SAMM50: variants seen among roughly 807,000 people sequenced by gnomAD.
SAMM50 encodes SAMM50 sorting and assembly machinery component, also known as sorting and assembly machinery component 50 homolog.
SAMM50 carries 47 observed loss-of-function variants against 66.9 expected under a neutral mutation model. The observed-to-expected ratio is 0.70, with a 90% CI of 0.56 to 0.90. SAMM50 has a LOEUF of 0.90. Ranked by LOEUF, SAMM50 falls within the 40% of genes least tolerant of loss-of-function variation. The probability of loss-of-function intolerance (pLI) is 0.00; values close to 1 mark genes in which losing one functional copy is unlikely to be tolerated. For missense variants in SAMM50, 535 were observed against 595.3 expected (o/e 0.90, Z 1.05); for synonymous variants, 191 against 214.1 (o/e 0.89, Z 0.94).
chr22:43,955,790 A>G (rs976336930), intron 1 of SAMM50, among the ~76,000 whole-genome samples, 192 bp downstream of exon 1: 1 of 152,202 alleles, frequency 6.6e-6, no homozygotes, highest in African/African-American at 2.4e-5. Flanking sequence ...TCGAGCAGGA[A>G]CCTGATAGGA....
rs531154193 is a variant in SAMM50, at chr22:43,974,034, T to C, written c.648+711T>C. Among the ~76,000 whole-genome samples, 15 of 152,242 alleles carry C rather than the reference T, an allele frequency of 9.9e-5. No homozygotes were observed. In the East Asian group the frequency reaches 2.7e-3, roughly 27 times the overall value. On this transcript the variant is annotated intron_variant, in intron 7 of 14. Coordinates refer to ENST00000350028, the MANE Select transcript of SAMM50 (RefSeq NM_015380.5). Reference sequence around the variant, plus strand: ...CTTTATGATAACCTGCTTTTTTTTTTTCTCCTTCCTTTCGCCACTGTTCCT... The same window carrying C: ...CTTTATGATAACCTGCTTTTTTTTTCTCTCCTTCCTTTCGCCACTGTTCCT...
chr22:43,996,224 C>A, intron 14 of SAMM50, 114 bp from the exon 15 acceptor site: 1 of 1,133,228 alleles, frequency 8.8e-7, no homozygotes, highest in Non-Finnish European at 1.3e-6. Context: ...AGGAAGGCAG[C>A]AGGAGGAGGA....
At chr22:43,996,290 C>G (rs778673586) in intron 14 of SAMM50, 48 bp from the exon 15 acceptor site, 1 of 1,603,156 alleles carries the variant, frequency 6.2e-7, no homozygotes, top group East Asian at 2.2e-5. Flanking sequence ...GTGAAGATGG[C>G]AGGGCTGGCG....
intron 1 of SAMM50, 102 bp downstream of exon 1, chr22:43,955,700 G>A: frequency 7.6e-7 from 1 of 1,315,454 alleles, no homozygotes; most frequent in Non-Finnish European, 1.0e-6. Context: ...GGTTCACCGG[G>A]AGAGAGGGTG....
In SAMM50 at chr22:43,996,363, G is replaced by T; in HGVS notation, c.1390G>T (p.Ala464Ser). 1 of 1,614,210 alleles carries T rather than the reference G, an allele frequency of 6.2e-7. No individual in the cohort carries two copies. The highest frequency in any genetic ancestry group is 8.5e-7 in the Non-Finnish European group (1 of 1,180,044). ...GATATGTGATGGCGTCCAGTTTGGA[G>T]CTGGGATAAGGTTCCTGTAGCCGAC... ...DRICDGVQFG[A>S]GIRFL The change falls in exon 15 of 15, where the codon GCT becomes TCT. Residue 464 changes from alanine (A) to serine (S), a missense_variant. Physicochemically the swap from Ala to Ser is moderately conservative, Grantham distance 99. Coordinates refer to ENST00000350028, the MANE Select transcript of SAMM50 (RefSeq NM_015380.5).
intron 3 of SAMM50, among the ~76,000 whole-genome samples, chr22:43,964,829 C>T (rs1275694333): frequency 1.3e-5 from 2 of 152,160 alleles, no homozygotes; most frequent in African/African-American, 2.4e-5. Flanking sequence ...CTCCCAGCGC[C>T]GTAATGCGAG....
chr22:43,968,735 T>G lies in SAMM50; in HGVS notation c.239T>G (p.Met80Arg). 6.2e-7 allele frequency: 1 copy of G among 1,608,886 alleles called. No individual in the cohort carries two copies. Among genetic ancestry groups the G allele is most frequent in the Non-Finnish European group, 8.5e-7 (1 of 1,175,310 alleles). ...TTTTCTTCCCCCATTTTATAGGTAA[T>G]GCGGAAATCTCATGAAGCCCGTGAA... is the stretch of plus-strand genomic sequence containing the variant. ...VFKAKNLIEV[M>R]RKSHEAREKL... The change falls in exon 4 of 15, where the codon ATG becomes AGG. Residue 80 changes from methionine (M) to arginine (R), a missense_variant. Physicochemically the swap from Met to Arg is moderately conservative, Grantham distance 91. Transcript: ENST00000350028.
At chr22:43,981,580 C>T in intron 11 of SAMM50, 119 bp downstream of exon 11, 1 of 663,304 alleles carries the variant, frequency 1.5e-6, no homozygotes, top group Non-Finnish European at 2.6e-6. Flanking sequence ...TCAAATATTC[C>T]TTTAGTATTT....
intron 4 of SAMM50, 134 bp downstream of exon 4, chr22:43,968,952 G>C: frequency 1.6e-6 from 1 of 626,480 alleles, no homozygotes; most frequent in Non-Finnish European, 2.9e-6. Flanking sequence ...TGATCAAACA[G>C]GTAGTCCTTG....
intron 12 of SAMM50, among the ~76,000 whole-genome samples, chr22:43,984,711 C>G (rs1603419996): frequency 6.6e-6 from 1 of 151,930 alleles, no homozygotes; most frequent in African/African-American, 2.4e-5. Context: ...TCACTGCAAC[C>G]TCCGCCTCCC....
intron 3 of SAMM50, among the ~76,000 whole-genome samples, chr22:43,966,206 A>G (rs563254587): frequency 6.6e-6 from 1 of 152,126 alleles, no homozygotes; most frequent in South Asian, 2.1e-4. Flanking sequence ...CTTACAAACA[A>G]TGCTGTACTA....
intron 1 of SAMM50, among the ~76,000 whole-genome samples, chr22:43,959,471 A>C (rs895626809): frequency 6.6e-6 from 1 of 150,952 alleles, no homozygotes; most frequent in African/African-American, 2.4e-5. Context: ...TAAAGGTTAA[A>C]GGCTACATCC....
intron 2 of SAMM50, 141 bp downstream of exon 2, chr22:43,963,537 C>A: frequency 2.1e-6 from 1 of 471,300 alleles, no homozygotes; most frequent in Non-Finnish European, 3.8e-6. Context: ...ACTAGAAAAA[C>A]TGATGACTCT....
In SAMM50 at chr22:43,981,404, C is replaced by T; in HGVS notation, c.950C>T (p.Ser317Phe). The T allele has an allele frequency of 1.2e-6, 2 of 1,613,760 alleles. No individual in the cohort carries two copies. Among genetic ancestry groups the T allele is most frequent in the Non-Finnish European group, 1.7e-6 (2 of 1,179,730 alleles). Reference protein sequence around the residue: ...QLIFDSVFSASFWGGMLVPIG... With the variant: ...QLIFDSVFSAFFWGGMLVPIG... The stretch of plus-strand genomic sequence containing the variant: ...CTATTTGAACAGGTTTTTTCAGCGT[C>T]TTTCTGGGGCGGAATGTTGGTACCC... Residue 317 changes from serine (S) to phenylalanine (F), a missense_variant, in exon 11 of 15, where the codon TCT (serine) becomes TTT (phenylalanine). Transcript: ENST00000350028.
rs187271466 is a variant in SAMM50 at position 43,979,588 on chromosome 22, C to A, written c.936+1630C>A. Among the ~76,000 whole-genome samples, 26 of 152,000 alleles carry A rather than the reference C, an allele frequency of 1.7e-4. No individual in the cohort carries two copies. The East Asian group carries it at 4.7e-3, about 27-fold the overall frequency. On this transcript the variant is annotated intron_variant, in intron 10 of 14. Coordinates refer to ENST00000350028, the MANE Select transcript of SAMM50 (RefSeq NM_015380.5). ...CCTACTCCCTGCCTTCCCCTTCCCC[C>A]CTCTACACTATGGACATATTAGTCT...
In SAMM50 at chr22:43,976,769, C is replaced by G. The variant is rs1331637489; in HGVS notation, c.797C>G (p.Ser266Cys). The change falls in exon 9 of 15, where the codon TCT becomes TGT. Residue 266 changes from serine (S) to cysteine (C), a missense_variant. Physicochemically the swap from Ser to Cys is moderately radical, Grantham distance 112 (BLOSUM62 -1). Transcript: ENST00000350028. ...SSLSHAMVIDSRNSSILPRRG... is the reference protein window; with the variant it reads ...SSLSHAMVIDCRNSSILPRRG... Reference sequence around the variant, plus strand: ...TTTCAGCACGCCATGGTCATCGATTCTCGGAATTCTTCCATCTTACCAAGG... The same window carrying G: ...TTTCAGCACGCCATGGTCATCGATTGTCGGAATTCTTCCATCTTACCAAGG... 3 of 1,612,544 alleles carry G rather than the reference C, an allele frequency of 1.9e-6. No homozygotes were observed. The highest frequency in any genetic ancestry group is 1.3e-5 in the African/African-American group (1 of 74,990).
chr22:43,978,314 A>C (rs926686277), intron 10 of SAMM50, among the ~76,000 whole-genome samples: 23 of 150,988 alleles, frequency 1.5e-4, no homozygotes, highest in Admixed American at 3.3e-4. Context: ...GGGCGCCTGA[A>C]GTCCCAGCTA....
intron 14 of SAMM50, among the ~76,000 whole-genome samples, chr22:43,992,970 A>G (rs1318549619): frequency 1.3e-5 from 2 of 152,276 alleles, no homozygotes; most frequent in Non-Finnish European, 2.9e-5. Flanking sequence ...ACTGCATCAG[A>G]TAACTCCACG....
intron 3 of SAMM50, among the ~76,000 whole-genome samples, chr22:43,966,024 A>G (rs989921922): frequency 1.4e-4 from 22 of 152,114 alleles, no homozygotes; most frequent in African/African-American, 5.1e-4. Flanking sequence ...GTTTTTCTGT[A>G]GAGACGGGGT....
Sources: gnomAD v4.1 joint callset for allele counts (sites outside exome capture counted in the v4.1 genomes callset) on GRCh38, gnomAD v4.1.1 for gene constraint, MANE v1.5 for transcripts, NCBI Gene and HGNC (gene_info 2026-07-23, HGNC 2026-07-21) for gene names.